Variants in IL1RAPL1 observed in about 807,000 individuals in gnomAD.
IL1RAPL1 encodes the protein interleukin-1 receptor accessory protein-like 1.
Under a neutral mutation model 48.4 loss-of-function variants are expected in IL1RAPL1, and 3 were observed. The ratio of observed to expected loss-of-function variants is 0.06; its 90% confidence interval spans 0.03 to 0.16. IL1RAPL1 has a LOEUF of 0.16. Among genes scored for constraint, IL1RAPL1 ranks in the 10% least tolerant of loss-of-function variants. IL1RAPL1 has a pLI of 1.00. For missense variants in IL1RAPL1, 349 were observed against 530.6 expected (o/e 0.66, Z 3.36); for synonymous variants, 185 against 187.7 (o/e 0.99, Z 0.12).
intron 6 of IL1RAPL1, among the ~76,000 whole-genome samples, chrX:29,810,164 A>G (rs1001113148): frequency 3.1e-5 from 3 of 95,614 alleles, no homozygotes; most frequent in African/African-American, 1.2e-4. Flanking sequence ...ATTTCCTTTT[A>G]TGTATTATTT....
intron 1 of IL1RAPL1, among the ~76,000 whole-genome samples, chrX:28,724,496 C>T (rs745584241): frequency 1.2e-4 from 13 of 110,991 alleles, no homozygotes; most frequent in African/African-American, 3.6e-4. Context: ...TGTCTCTGCA[C>T]GTGAGATGGG....
chrX:28,921,602 C>G (rs1407177971), intron 2 of IL1RAPL1, among the ~76,000 whole-genome samples: 2 of 111,373 alleles, frequency 1.8e-5, no homozygotes, highest in African/African-American at 6.5e-5. Flanking sequence ...TTAGGAATAG[C>G]CTACACTAGA....
At chrX:28,813,199 C>T (rs1249457590) in intron 2 of IL1RAPL1, among the ~76,000 whole-genome samples, 1 of 111,187 alleles carries the variant, frequency 9.0e-6, no homozygotes, top group Non-Finnish European at 1.9e-5. Context: ...TATGAATTTC[C>T]CTCTAGGTGC....
chrX:29,484,239 G>A (rs947090347), intron 5 of IL1RAPL1, among the ~76,000 whole-genome samples: 2 of 111,591 alleles, frequency 1.8e-5, no homozygotes, highest in Admixed American at 9.6e-5. Flanking sequence ...AATTTTAACA[G>A]CATAGTGCTG....
At chrX:29,844,556 T>C (rs1307535003) in intron 6 of IL1RAPL1, among the ~76,000 whole-genome samples, 1 of 111,183 alleles carries the variant, frequency 9.0e-6, no homozygotes, top group African/African-American at 3.3e-5. Context: ...CAACTGTGGA[T>C]CAAAAATATT....
chrX:28,604,299 G>T (rs1014972826), intron 1 of IL1RAPL1, among the ~76,000 whole-genome samples: 3 of 112,045 alleles, frequency 2.7e-5, no homozygotes, highest in Non-Finnish European at 5.6e-5. Context: ...ATCAAGGCAA[G>T]TGTGAGTTCC....
At chrX:29,494,192 C>A (rs1192910273) in intron 5 of IL1RAPL1, among the ~76,000 whole-genome samples, 3 of 111,806 alleles carry the variant, frequency 2.7e-5, no homozygotes, top group Admixed American at 9.4e-5. Flanking sequence ...TAAGCCACCG[C>A]GTCCGGCTGC....
chrX:29,803,176 C>T (rs1248747925), intron 6 of IL1RAPL1, among the ~76,000 whole-genome samples: 2 of 49,563 alleles, frequency 4.0e-5, no homozygotes, highest in African/African-American at 9.1e-5. Context: ...CATATGCATA[C>T]ATATATGTAT....
intron 2 of IL1RAPL1, among the ~76,000 whole-genome samples, chrX:29,245,706 T>C (rs1329000652): frequency 8.9e-6 from 1 of 112,051 alleles, no homozygotes. Context: ...ATTGCAAAAA[T>C]TTTCTCCCAT....
chrX:28,937,949 A>G (rs1284851726), intron 2 of IL1RAPL1, among the ~76,000 whole-genome samples: 1 of 111,233 alleles, frequency 9.0e-6, no homozygotes, highest in Non-Finnish European at 1.9e-5. Flanking sequence ...ACCTAGGAAT[A>G]CAGCTAACTA....
intron 5 of IL1RAPL1, among the ~76,000 whole-genome samples, chrX:29,486,633 A>G (rs1935099435): frequency 9.6e-6 from 1 of 104,503 alleles, no homozygotes; most frequent in East Asian, 3.0e-4. Flanking sequence ...AAAAAAAAAA[A>G]AAAAGCTCGT....
chrX:29,475,286 G>A, intron 5 of IL1RAPL1, among the ~76,000 whole-genome samples: 1 of 112,015 alleles, frequency 8.9e-6, no homozygotes, highest in Non-Finnish European at 1.9e-5. Context: ...GCCTACTTGA[G>A]ACAAGTATGT....
chrX:29,174,872 A>T (rs965946461), intron 2 of IL1RAPL1, among the ~76,000 whole-genome samples: 1 of 110,922 alleles, frequency 9.0e-6, no homozygotes, highest in African/African-American at 3.3e-5. Context: ...CAGGGGATCG[A>T]CACCATACTG....
chrX:29,955,045 C>T (rs1278564952), intron 10 of IL1RAPL1, 57 bp from the exon 11 acceptor site: 39 of 1,001,043 alleles, frequency 3.9e-5, no homozygotes, highest in Non-Finnish European at 5.5e-5. Context: ...TCTACTAGGA[C>T]TTTCTGGACC....
In IL1RAPL1 at chrX:29,525,631, A is replaced by G. The variant is rs1032894447; in HGVS notation, c.703+126323A>G. Among the ~76,000 whole-genome samples, 5 of 112,082 alleles carry G rather than the reference A, an allele frequency of 4.5e-5. No homozygotes were observed. In the East Asian group the frequency reaches 1.4e-3, roughly 31 times the overall value. ...ACTGCGTTACCAAAGTCCAAGCCCC[A>G]CAAGGAGGTTATTCACCTGCCCATA... is the stretch of plus-strand genomic sequence containing the variant. On this transcript the variant is annotated intron_variant, in intron 5 of 10. Coordinates refer to ENST00000378993, the MANE Select transcript of IL1RAPL1 (RefSeq NM_014271.4).
intron 2 of IL1RAPL1, among the ~76,000 whole-genome samples, chrX:28,798,358 G>C (rs780496041): frequency 3.6e-5 from 4 of 111,613 alleles, no homozygotes; most frequent in African/African-American, 1.3e-4. Context: ...TACAAATATA[G>C]TGACTTAAAG....
chrX:28,738,208 AC>A (rs1935868198), intron 1 of IL1RAPL1, among the ~76,000 whole-genome samples: 1 of 111,352 alleles, frequency 9.0e-6, no homozygotes, highest in Non-Finnish European at 1.9e-5. Flanking sequence ...ATTATTGAAA[AC>A]TAGTTTATGG....
At chrX:28,943,989 G>A (rs777719532) in intron 2 of IL1RAPL1, among the ~76,000 whole-genome samples, 1 of 111,094 alleles carries the variant, frequency 9.0e-6, no homozygotes, top group Admixed American at 9.6e-5. Flanking sequence ...ATTCTCCTTA[G>A]TCACTGTGAA....
intron 5 of IL1RAPL1, among the ~76,000 whole-genome samples, chrX:29,623,949 T>G (rs1300446172): frequency 8.9e-6 from 1 of 111,906 alleles, no homozygotes; most frequent in Non-Finnish European, 1.9e-5. Context: ...TAGCTGGAGC[T>G]TGGACATATT....
Sources: allele counts gnomAD v4.1 joint callset (sites outside exome capture counted in the v4.1 genomes callset), GRCh38; gene constraint gnomAD v4.1.1; transcripts MANE v1.5; gene names NCBI Gene and HGNC (gene_info 2026-07-23, HGNC 2026-07-21).